Variants in SPIRE1 observed in about 807,000 individuals in gnomAD.
SPIRE1 encodes the protein protein spire homolog 1.
In SPIRE1, 40 loss-of-function variants were observed where a neutral mutation model predicts 94.1. The ratio of observed to expected loss-of-function variants is 0.43; its 90% confidence interval spans 0.33 to 0.55. The LOEUF (loss-of-function observed/expected upper bound fraction) is 0.55, where lower values mean the gene tolerates loss of function less well. Ranked by LOEUF, SPIRE1 falls within the 20% of genes least tolerant of loss-of-function variation. The probability of loss-of-function intolerance (pLI) is 0.06; values close to 1 mark genes in which losing one functional copy is unlikely to be tolerated. For synonymous variants in SPIRE1, 376 were observed against 371.7 expected, an observed-to-expected ratio of 1.01 and a Z score of -0.13; for missense variants, 838 against 975.2, an observed-to-expected ratio of 0.86 and a Z score of 1.87.
intron 2 of SPIRE1, among the ~76,000 whole-genome samples, chr18:12,594,193 A>G (rs987994310): frequency 9.2e-5 from 14 of 152,142 alleles, no homozygotes; most frequent in Admixed American, 5.9e-4. Flanking sequence ...GAAGTTAAAG[A>G]GAAGATGAAG....
intron 6 of SPIRE1, among the ~76,000 whole-genome samples, chr18:12,496,500 G>A (rs1242244251): frequency 2.0e-5 from 3 of 152,184 alleles, no homozygotes; most frequent in East Asian, 1.9e-4. Flanking sequence ...TTGGGAGGCC[G>A]AGGCAGGCGG....
intron 5 of SPIRE1, among the ~76,000 whole-genome samples, chr18:12,508,559 C>A (rs2033915666): frequency 6.6e-6 from 1 of 152,126 alleles, no homozygotes. Context: ...AGATGCAGTT[C>A]AAATATCATC....
At chr18:12,642,997 G>A (rs2038127775) in intron 1 of SPIRE1, among the ~76,000 whole-genome samples, 1 of 152,098 alleles carries the variant, frequency 6.6e-6, no homozygotes, top group South Asian at 2.1e-4. Context: ...TTAAAGAATA[G>A]TACTGTATTC....
At chr18:12,519,064 T>G (rs965509905) in intron 4 of SPIRE1, among the ~76,000 whole-genome samples, 2 of 152,182 alleles carry the variant, frequency 1.3e-5, no homozygotes, top group Admixed American at 1.3e-4. Flanking sequence ...CTTAAAGATA[T>G]AACACGCTTC....
chr18:12,558,199 G>A (rs552086407), intron 2 of SPIRE1, among the ~76,000 whole-genome samples: 26 of 152,262 alleles, frequency 1.7e-4, no homozygotes, highest in Middle Eastern at 3.4e-3. Context: ...AGATGTGTCC[G>A]GAGTTAGTTT....
At chr18:12,634,935 C>CAAAA in intron 2 of SPIRE1, 127 bp downstream of exon 2, 7 of 432,180 alleles carry the variant, frequency 1.6e-5, no homozygotes, top group East Asian at 4.4e-5. Context: ...AAGTCCATCT[C>CAAAA]AAAAAAAAAA....
intron 1 of SPIRE1, among the ~76,000 whole-genome samples, chr18:12,655,551 G>GAGT (rs1362072210): frequency 6.6e-6 from 1 of 152,182 alleles, no homozygotes; most frequent in Non-Finnish European, 1.5e-5. Context: ...AACTGAGAAA[G>GAGT]AGAATTATAA....
chr18:12,460,129 G>A (rs1035399661), intron 12 of SPIRE1, among the ~76,000 whole-genome samples: 1 of 152,206 alleles, frequency 6.6e-6, no homozygotes, highest in Admixed American at 6.5e-5. Context: ...AGTCCTTCCT[G>A]GAGAATCTCA....
intron 2 of SPIRE1, among the ~76,000 whole-genome samples, chr18:12,549,176 A>G (rs2035263370): frequency 6.6e-6 from 1 of 152,280 alleles, no homozygotes; most frequent in East Asian, 1.9e-4. Flanking sequence ...TGTGGTGTGC[A>G]TTAGAAAAAA....
At chr18:12,617,383 C>CTTTTTGT in intron 2 of SPIRE1, among the ~76,000 whole-genome samples, 1 of 151,516 alleles carries the variant, frequency 6.6e-6, no homozygotes, top group East Asian at 1.9e-4. Context: ...CCCAGCAAAT[C>CTTTTTGT]TTTTTGTTTT....
At chr18:12,659,701 A>G (rs2038655564), upstream of SPIRE1, among the ~76,000 whole-genome samples, 2 of 152,212 alleles carry the variant, frequency 1.3e-5, no homozygotes, top group Admixed American at 1.3e-4. Flanking sequence ...AAAGAGGAGA[A>G]GAAAGCTCCC....
In SPIRE1 at chr18:12,519,861, G is replaced by A. The variant is rs558643820; in HGVS notation, c.730-7330C>T. Among the ~76,000 whole-genome samples, 36 of 152,260 alleles carry A rather than the reference G, an allele frequency of 2.4e-4. No individual in the cohort carries two copies. In the South Asian group the frequency reaches 7.5e-3, roughly 32 times the overall value. ...ACAGTATCAACTACTAAACCTCTAGGAAGGACAATAGTGTAATATTTTATA... is the reference window on the plus strand; with the variant it reads ...ACAGTATCAACTACTAAACCTCTAGAAAGGACAATAGTGTAATATTTTATA... On this transcript the variant is annotated intron_variant, in intron 4 of 16. Transcript: ENST00000409402.
At chr18:12,512,967 A>G (rs968800572) in intron 4 of SPIRE1, among the ~76,000 whole-genome samples, 2 of 151,990 alleles carry the variant, frequency 1.3e-5, no homozygotes, top group African/African-American at 4.8e-5. Flanking sequence ...ACTCAACAGA[A>G]TCATCGATTC....
At chr18:12,604,432 T>G (rs1256086495) in intron 2 of SPIRE1, among the ~76,000 whole-genome samples, 2 of 152,176 alleles carry the variant, frequency 1.3e-5, no homozygotes, top group Admixed American at 1.3e-4. Context: ...TATTCTGTAT[T>G]GAGAGAGTCA....
At chr18:12,623,450 G>GCCAACATCATTT (rs531190572) in intron 2 of SPIRE1, among the ~76,000 whole-genome samples, 62 of 152,096 alleles carry the variant, frequency 4.1e-4, no homozygotes, top group African/African-American at 1.5e-3. Flanking sequence ...ACTGCGCCTG[G>GCCAACATCATTT]CCAACATCAT....
Position 12,549,439 on chromosome 18 carries a change from G to GTTTTTTTTTTTTTTT in SPIRE1, c.373-2550_373-2536dup, listed in dbSNP as rs869122444. On this transcript the variant is annotated intron_variant, in intron 2 of 16. Transcript: ENST00000409402. ...CTTTTTGTTTGTTTTTGTTATTGTT[G>GTTTTTTTTTTTTTTT]TTTTTTTTTTTTTTTTTTTTTTTTT... Among the ~76,000 whole-genome samples, 83 of 41,254 alleles carry GTTTTTTTTTTTTTTT rather than the reference G, an allele frequency of 2.0e-3. 9 individuals are homozygous for GTTTTTTTTTTTTTTT. Among genetic ancestry groups the GTTTTTTTTTTTTTTT allele is most frequent in the East Asian group, 4.3e-3 (3 of 694 alleles). The allele number at this position is 41,254 out of a possible 152,430, so 27.1% of individuals were successfully genotyped here. A position where few individuals can be genotyped will look rare whatever the true frequency, so the allele number is the denominator to read the frequency against.
At chr18:12,453,644 C>T (rs2031355494) in intron 13 of SPIRE1, among the ~76,000 whole-genome samples, 1 of 151,972 alleles carries the variant, frequency 6.6e-6, no homozygotes, top group Non-Finnish European at 1.5e-5. Flanking sequence ...CTGTGTTAGC[C>T]AGGATGGTCT....
intron 2 of SPIRE1, among the ~76,000 whole-genome samples, chr18:12,591,761 A>G (rs1379484187): frequency 6.6e-6 from 1 of 152,030 alleles, no homozygotes; most frequent in East Asian, 1.9e-4. Context: ...GCAGATCACG[A>G]GGTCAGGACC....
Position 12,626,814 on chromosome 18 carries a change from C to T in SPIRE1, c.372+8248G>A, listed in dbSNP as rs975831021. Among the ~76,000 whole-genome samples the T allele has an allele frequency of 6.7e-5, 10 of 149,118 alleles. No individual in the cohort carries two copies. The Middle Eastern group carries it at 0.014, about 210-fold the overall frequency. On this transcript the variant is annotated intron_variant, in intron 2 of 16. Transcript: ENST00000409402. The stretch of plus-strand genomic sequence containing the variant: ...TAATAGGATCTACTTCATACATTTG[C>T]TGTGATGATTAATTAATGTCTATAA...
Sources: allele counts gnomAD v4.1 joint callset (sites outside exome capture counted in the v4.1 genomes callset), GRCh38; gene constraint gnomAD v4.1.1; transcripts MANE v1.5; gene names NCBI Gene and HGNC (gene_info 2026-07-23, HGNC 2026-07-21).